TTN: variants seen among roughly 807,000 people sequenced by gnomAD.
TTN encodes titin.
In TTN, 1,525 loss-of-function variants were observed where a neutral mutation model predicts 3,223.0. The ratio of observed to expected loss-of-function variants is 0.47; its 90% CI spans 0.45 to 0.49. The LOEUF is 0.49. Among genes scored for constraint, TTN ranks in the 20% least tolerant of loss-of-function variants. The pLI is 0.00. For missense variants in TTN, 40,786 were observed against 43,424.0 expected, an observed-to-expected ratio of 0.94 and a Z score of 5.40; for synonymous variants, 14,094 against 15,161.0, an observed-to-expected ratio of 0.93 and a Z score of 5.17.
rs1436267266 is a variant in TTN, at chr2:178,702,682, G to C, written c.30224-19C>G. 1 of 1,600,922 alleles carries C rather than the reference G, an allele frequency of 6.2e-7. No individual in the cohort carries two copies. The highest frequency in any genetic ancestry group is 1.3e-5 in the African/African-American group (1 of 74,736). ...GGTTCAGCTGTTTAAGTACAAAGAG[G>C]GTTCAAAGTTAGATTATATAGAGAG... On this transcript the variant is annotated intron_variant, in intron 106 of 362. Coordinates refer to ENST00000589042, the MANE Select transcript of TTN (RefSeq NM_001267550.2).
rs771180692 is a variant in TTN, at chr2:178,604,019, T to G, written c.54668A>C (p.Lys18223Thr). 1.1e-5 allele frequency: 18 copies of G among 1,612,778 alleles called. No individual in the cohort carries two copies. The highest frequency in any genetic ancestry group is 2.5e-6 in the Non-Finnish European group (3 of 1,179,202). Residue 18223 changes from lysine to threonine, a missense_variant, in exon 282 of 363, where the codon AAA (lysine) becomes ACA (threonine). Transcript: ENST00000589042. ...AAATTCCACGCCTTTCAATCCCACT[T>G]TGGTTATTGGTGCTCGGCTAACACG... ...WSRVSRAPITKVGLKGVEFNV... is the reference protein window; with the variant it reads ...WSRVSRAPITTVGLKGVEFNV...
Position 178,669,660 on chromosome 2 carries a change from T to G in TTN, c.35402A>C (p.Lys11801Thr). The change falls in exon 158 of 363, where the codon AAG (lysine) becomes ACG (threonine). Residue 11801 changes from lysine (K) to threonine (T), a missense_variant. By Grantham distance (78) the Lys-to-Thr change is moderately conservative. Transcript: ENST00000589042. The stretch of plus-strand genomic sequence containing the variant: ...AACTTTTTCTTCTGGGACAATTTTC[T>G]TGGGTACTTCGGGTGCTTTAAAGAT... ...VPPTKAPEVPKKIVPEEKVRE... is the reference protein window; with the variant it reads ...VPPTKAPEVPTKIVPEEKVRE... 1 of 1,612,408 alleles carries G rather than the reference T, an allele frequency of 6.2e-7. No homozygotes were observed. The highest frequency in any genetic ancestry group is 8.5e-7 in the Non-Finnish European group (1 of 1,179,616).
At position 178,569,583 on chromosome 2, in the gene TTN, T is replaced by C. The variant is rs780584058; in HGVS notation, c.76549A>G (p.Arg25517Gly). 3 of 1,612,906 alleles carry C rather than the reference T, an allele frequency of 1.9e-6. No individual in the cohort carries two copies. The South Asian group carries it at 3.3e-5, about 18-fold the overall frequency. ...APDIDLDLEL[R>G]KIINIRAGGS... ...CCTGCCCTTATATTTATGATTTTCC[T>C]TAGTTCTAGGTCAAGATCAATGTCT... Residue 25517 changes from arginine (R) to glycine (G), a missense_variant, in exon 326 of 363, where the codon AGG becomes GGG. Coordinates refer to ENST00000589042, the MANE Select transcript of TTN (RefSeq NM_001267550.2).
Position 178,549,040 on chromosome 2 carries a change from C to G in TTN, c.92586G>C (p.Lys30862Asn). 1.9e-6 allele frequency: 3 copies of G among 1,613,890 alleles called. No individual in the cohort carries two copies. The highest frequency in any genetic ancestry group is 2.5e-6 in the Non-Finnish European group (3 of 1,179,836). Residue 30862 changes from lysine to asparagine, a missense_variant, in exon 339 of 363, where the codon AAG becomes AAC. Physicochemically the swap from Lys to Asn is moderately conservative, Grantham distance 94. Coordinates refer to ENST00000589042, the MANE Select transcript of TTN (RefSeq NM_001267550.2). ...EIIGYIIEMC[K>N]ADLGDWHKVN... ...CCTTGTGCCAGTCTCCTAAGTCGGC[C>G]TTACACATTTCAATAATATACCCAA...
chr2:178,719,912 A>C, intron 81 of TTN, 71 bp downstream of exon 81: 1 of 1,544,078 alleles, frequency 6.5e-7, no homozygotes, highest in East Asian at 2.3e-5. Context: ...ACTGGATAAG[A>C]GGAATATTTG....
At chr2:178,779,561 G>A in intron 22 of TTN, 99 bp from the exon 23 acceptor site, 1 of 826,550 alleles carries the variant, frequency 1.2e-6, no homozygotes, top group Non-Finnish European at 1.9e-6. Context: ...GTTTTTAGCT[G>A]GGAGAAGAAT....
At position 178,704,186 on chromosome 2, in the gene TTN, A is replaced by G; in HGVS notation, c.30184T>C (p.Tyr10062His). ...TCTGCTGAAGTTTCAAGGTCTTCAT[A>G]TTTGCAGGTGTACTGACCCTGGTCT... Reference protein sequence around the residue: ...AEDQGQYTCKYEDLETSAELR... With the variant: ...AEDQGQYTCKHEDLETSAELR... The change falls in exon 106 of 363, where the codon TAT becomes CAT. Residue 10062 changes from tyrosine to histidine, a missense_variant. Tyr to His is a moderately conservative substitution (Grantham distance 83, BLOSUM62 2). Coordinates refer to ENST00000589042, the MANE Select transcript of TTN (RefSeq NM_001267550.2). The G allele has an allele frequency of 6.2e-7, 1 of 1,613,930 alleles. No individual in the cohort carries two copies. Among genetic ancestry groups the G allele is most frequent in the African/African-American group, 1.3e-5 (1 of 75,046 alleles).
chr2:178,776,378 G>C lies in TTN; in HGVS notation c.5486C>G (p.Thr1829Arg). The C allele has an allele frequency of 3.1e-6, 5 of 1,613,102 alleles. No homozygotes were observed. The highest frequency in any genetic ancestry group is 4.2e-6 in the Non-Finnish European group (5 of 1,179,968). Residue 1829 changes from threonine to arginine, a missense_variant, in exon 28 of 363, where the codon ACA (threonine) becomes AGA (arginine). Transcript: ENST00000589042. Reference sequence around the variant, plus strand: ...TTCTTTCTGATCTGTTGTTACACCTGTAAGTGCACCTTCATGAGCCATTCT... The same window carrying C: ...TTCTTTCTGATCTGTTGTTACACCTCTAAGTGCACCTTCATGAGCCATTCT... ...LERMAHEGAL[T>R]GVTTDQKEKQ...
rs765762900 is a variant in TTN at position 178,578,913 on chromosome 2, G to A, written c.68117C>T (p.Thr22706Ile). The change falls in exon 320 of 363, where the codon ACC becomes ATC. Residue 22706 changes from threonine (T) to isoleucine (I), a missense_variant. Coordinates refer to ENST00000589042, the MANE Select transcript of TTN (RefSeq NM_001267550.2). ...SAVQKTTFRV[T>I]RLHEGMEYTF... ...ATATTCCATGCCCTCATGAAGTCTG[G>A]TTACTCTAAAGGTGGTTTTCTGGAC... 2 of 1,613,140 alleles carry A rather than the reference G, an allele frequency of 1.2e-6. No homozygotes were observed. The highest frequency in any genetic ancestry group is 1.7e-6 in the Non-Finnish European group (2 of 1,179,474).
chr2:178,799,237 C>T, intron 6 of TTN: 1 of 518,822 alleles, frequency 1.9e-6, no homozygotes, highest in Non-Finnish European at 3.4e-6. Flanking sequence ...CTGCCACGCC[C>T]ACACCCTATG....
chr2:178,544,151 G>T, intron 345 of TTN, 36 bp from the exon 346 acceptor site: 1 of 1,603,682 alleles, frequency 6.2e-7, no homozygotes, highest in African/African-American at 1.3e-5. Context: ...TTAATTCATG[G>T]ACAGGTGTGA....
In TTN at chr2:178,773,679, G is replaced by T. The variant is rs2154344748; in HGVS notation, c.7377C>A (p.Gly2459=). The change falls in exon 32 of 363, where the codon GGC becomes GGA. Residue 2459 remains glycine, a synonymous_variant. Transcript: ENST00000589042. ...TPLKDVNVIE[G]TKAVLECKVS... ...CCTTACATTCAAGCACAGCCTTGGT[G>T]CCTTCAATCACATTAACATCTTTTA... is the stretch of plus-strand genomic sequence containing the variant. 1 of 1,614,038 alleles carries T rather than the reference G, an allele frequency of 6.2e-7. No homozygotes were observed. Among genetic ancestry groups the T allele is most frequent in the Non-Finnish European group, 8.5e-7 (1 of 1,179,966 alleles).
Position 178,664,752 on chromosome 2 carries a change from T to G in TTN, c.36119-15A>C. ...AGCTTCAGGCACTTTAAGAAATTAG[T>G]AGTTTTATGTTTAGTGTTATGCAGA... On this transcript the variant is annotated splice_polypyrimidine_tract_variant and intron_variant, in intron 166 of 362. Transcript: ENST00000589042. 6.2e-7 allele frequency: 1 copy of G among 1,611,990 alleles called. No individual in the cohort carries two copies. Among genetic ancestry groups the G allele is most frequent in the Non-Finnish European group, 8.5e-7 (1 of 1,179,474 alleles).
At chr2:178,768,326 T>A (rs1394665417) in intron 38 of TTN, among the ~76,000 whole-genome samples, 171 bp from the exon 39 acceptor site, 1 of 152,174 alleles carries the variant, frequency 6.6e-6, no homozygotes, top group East Asian at 1.9e-4. Flanking sequence ...CAAGAAGAAA[T>A]CATGTAACCC....
Position 178,537,205 on chromosome 2 carries a change from C to G in TTN, c.99904G>C (p.Ala33302Pro). The change falls in exon 356 of 363, where the codon GCT (alanine) becomes CCT (proline). Residue 33302 changes from alanine (A) to proline (P), a missense_variant. Transcript: ENST00000589042. ...DKPTGPIVIE[A>P]LLKNSAVISW... Reference sequence around the variant, plus strand: ...ATCACTGCGGAGTTCTTCAATAGAGCTTCGATCACAATTGGTCCTGTAGGT... The same window carrying G: ...ATCACTGCGGAGTTCTTCAATAGAGGTTCGATCACAATTGGTCCTGTAGGT... 6.2e-7 allele frequency: 1 copy of G among 1,610,854 alleles called. No individual in the cohort carries two copies. Among genetic ancestry groups the G allele is most frequent in the Non-Finnish European group, 8.5e-7 (1 of 1,177,510 alleles).
At chr2:178,788,157 CT>C (rs1249603261) in intron 13 of TTN, among the ~76,000 whole-genome samples, 2 of 152,034 alleles carry the variant, frequency 1.3e-5, no homozygotes, top group African/African-American at 4.8e-5. Context: ...TGAAACAATA[CT>C]TTTCACCTCC....
In TTN at chr2:178,683,977, T is replaced by C. The variant is rs72650033; in HGVS notation, c.32806+22A>G. On this transcript the variant is annotated intron_variant, in intron 133 of 362. Coordinates refer to ENST00000589042, the MANE Select transcript of TTN (RefSeq NM_001267550.2). ...CTGGATGCTTATTTTGATTTTTTTT[T>C]TTTTTTTAAGAGTCAGTATACCTTT... is the stretch of plus-strand genomic sequence containing the variant. 2.0e-3 allele frequency: 3,015 copies of C among 1,536,326 alleles called. 14 individuals are homozygous for C. The highest frequency in any genetic ancestry group is 3.0e-3 in the Middle Eastern group (17 of 5,706).
rs748460757 is a variant in TTN at position 178,777,635 on chromosome 2, T to C, written c.4481-51A>G. The C allele has an allele frequency of 1.1e-5, 18 of 1,613,292 alleles. No homozygotes were observed. The East Asian group carries it at 3.1e-4, about 28-fold the overall frequency. On this transcript the variant is annotated intron_variant, in intron 25 of 362. Coordinates refer to ENST00000589042, the MANE Select transcript of TTN (RefSeq NM_001267550.2). Reference sequence around the variant, plus strand: ...TAGATTTTAAAATAGTTTTTAAAAATTGTTAGATGCATACATAAGCTTGTT... The same window carrying C: ...TAGATTTTAAAATAGTTTTTAAAAACTGTTAGATGCATACATAAGCTTGTT...
chr2:178,566,184 T>C lies in TTN; in HGVS notation c.79948A>G (p.Ile26650Val). ...GCATCATTTCTATCACAGTTATCTA[T>C]TGATAGTTGGGTATAGTTTACTCCC... is the stretch of plus-strand genomic sequence containing the variant. ...EKGVNYTQLSIDNCDRNDAGK... is the reference protein window; with the variant it reads ...EKGVNYTQLSVDNCDRNDAGK... The change falls in exon 326 of 363, where the codon ATA (isoleucine) becomes GTA (valine). Residue 26650 changes from isoleucine to valine, a missense_variant. Ile to Val is a conservative substitution (Grantham distance 29). Transcript: ENST00000589042. The C allele has an allele frequency of 3.1e-6, 5 of 1,613,716 alleles. No homozygotes were observed. The highest frequency in any genetic ancestry group is 1.3e-5 in the African/African-American group (1 of 75,034).
Sources: allele counts gnomAD v4.1 joint callset (sites outside exome capture counted in the v4.1 genomes callset), GRCh38; gene constraint gnomAD v4.1.1; transcripts MANE v1.5; gene names NCBI Gene and HGNC (gene_info 2026-07-23, HGNC 2026-07-21).